Variants in TEX11 observed in about 807,000 individuals in gnomAD.
The protein encoded by TEX11 is testis-expressed protein 11.
A neutral mutation model predicts 84.4 loss-of-function variants in TEX11; 7 were observed. The observed-to-expected ratio is 0.08, with a 90% CI of 0.05 to 0.16. The LOEUF (loss-of-function observed/expected upper bound fraction) is 0.16. Ranked by LOEUF, TEX11 falls within the 10% of genes least tolerant of loss-of-function variation. The pLI is 1.00. For missense variants in TEX11, 551 were observed against 660.5 expected (o/e 0.83, Z 1.82); for synonymous variants, 264 against 222.8 (o/e 1.18, Z -1.64).
At chrX:70,858,324 C>A (rs1003375046) in intron 5 of TEX11, among the ~76,000 whole-genome samples, 3 of 107,850 alleles carry the variant, frequency 2.8e-5, no homozygotes, top group Non-Finnish European at 5.7e-5. Context: ...GGCCTGTAAT[C>A]CCAGCTTCTC....
chrX:70,807,732 T>C (rs929861562), intron 8 of TEX11, among the ~76,000 whole-genome samples: 1 of 111,678 alleles, frequency 9.0e-6, no homozygotes, highest in Non-Finnish European at 1.9e-5. Flanking sequence ...AGTTTCCCTT[T>C]GAATTACAGT....
chrX:70,749,525 G>T (rs1169568239), intron 9 of TEX11, among the ~76,000 whole-genome samples: 2 of 107,027 alleles, frequency 1.9e-5, no homozygotes, highest in Middle Eastern at 4.8e-3. Flanking sequence ...TGCTTCCAGT[G>T]TTTGCCCATT....
At chrX:70,729,917 G>A (rs747435722) in intron 11 of TEX11, among the ~76,000 whole-genome samples, 40 of 112,115 alleles carry the variant, frequency 3.6e-4, no homozygotes, top group Middle Eastern at 9.1e-3. Context: ...CAGAAAGGTC[G>A]GGTTACCCAC....
chrX:70,577,862 G>A (rs2088699664), intron 25 of TEX11, among the ~76,000 whole-genome samples: 1 of 109,581 alleles, frequency 9.1e-6, no homozygotes, highest in Non-Finnish European at 1.9e-5. Context: ...CAAGTAGCTG[G>A]GATTACAGGT....
chrX:70,578,628 T>C (rs1057389638), intron 25 of TEX11, among the ~76,000 whole-genome samples: 3 of 111,232 alleles, frequency 2.7e-5, no homozygotes, highest in Non-Finnish European at 3.8e-5. Context: ...AATATTTTCC[T>C]ATCTCTGGGG....
the TEX11 span, among the ~76,000 whole-genome samples, chrX:70,511,842 C>T: frequency 5.7e-5 from 6 of 104,583 alleles, no homozygotes; most frequent in South Asian, 8.7e-4. Flanking sequence ...TTATAGTGGC[C>T]TCCAAGTTAG....
chrX:70,604,417 A>G (rs1371673873), intron 24 of TEX11, among the ~76,000 whole-genome samples: 1 of 111,015 alleles, frequency 9.0e-6, no homozygotes, highest in Non-Finnish European at 1.9e-5. Context: ...AAGACTCTTA[A>G]AAGAGGGCCC....
At chrX:70,546,690 A>G (rs2088130332) in intron 28 of TEX11, among the ~76,000 whole-genome samples, 1 of 111,168 alleles carries the variant, frequency 9.0e-6, no homozygotes, top group Non-Finnish European at 1.9e-5. Flanking sequence ...GGCTATAACA[A>G]AAAAAAGAAA....
intron 28 of TEX11, among the ~76,000 whole-genome samples, chrX:70,534,470 AT>A (rs2059737269): frequency 8.9e-6 from 1 of 111,804 alleles, no homozygotes; most frequent in Non-Finnish European, 1.9e-5. Flanking sequence ...CATGCCCAGC[AT>A]TGCTTATGAA....
chrX:70,859,487 C>T (rs1283862020), intron 5 of TEX11, among the ~76,000 whole-genome samples: 3 of 98,736 alleles, frequency 3.0e-5, no homozygotes, highest in Non-Finnish European at 4.0e-5. Context: ...GAAGCTGAGG[C>T]AGGAGAACTG....
intron 17 of TEX11, among the ~76,000 whole-genome samples, chrX:70,650,455 C>CA (rs961198388): frequency 1.8e-5 from 2 of 110,782 alleles, no homozygotes; most frequent in African/African-American, 6.5e-5. Flanking sequence ...TTTTTACTGG[C>CA]AAAAAAGCTT....
At chrX:70,608,610 G>T (rs780410442) in intron 22 of TEX11, among the ~76,000 whole-genome samples, 1 of 109,433 alleles carries the variant, frequency 9.1e-6, no homozygotes, top group Non-Finnish European at 1.9e-5. Context: ...GCGTGGTGGC[G>T]GGTGCCTGTA....
At chrX:70,698,771 GAAAAGGAGT>G (rs2090302533) in intron 13 of TEX11, among the ~76,000 whole-genome samples, 1 of 111,238 alleles carries the variant, frequency 9.0e-6, no homozygotes, top group East Asian at 2.8e-4. Context: ...GTAGATATGA[GAAAAGGAGT>G]AAAGAGGAAA....
At chrX:70,678,727 C>G in intron 15 of TEX11, 77 bp downstream of exon 15, 1 of 815,467 alleles carries the variant, frequency 1.2e-6, no homozygotes, top group South Asian at 2.4e-5. Context: ...ATTTGATGCT[C>G]TTTTATTTTT....
the TEX11 span, among the ~76,000 whole-genome samples, chrX:70,511,765 A>AAAAAAAAAAAAAAAAAC: frequency 1.3e-5 from 1 of 76,910 alleles, no homozygotes; most frequent in Non-Finnish European, 2.2e-5. Context: ...AAAAAAAAAA[A>AAAAAAAAAAAAAAAAAC]AAAAAAAAAA....
At chrX:70,590,474 A>T (rs1024797635) in intron 25 of TEX11, among the ~76,000 whole-genome samples, 8 of 111,639 alleles carry the variant, frequency 7.2e-5, no homozygotes, top group African/African-American at 2.3e-4. Flanking sequence ...TAATTTTATA[A>T]AATCTATTAT....
chrX:70,662,972 C>A (rs2089944076), intron 16 of TEX11, among the ~76,000 whole-genome samples: 1 of 110,979 alleles, frequency 9.0e-6, no homozygotes, highest in Non-Finnish European at 1.9e-5. Context: ...TGAACTATAC[C>A]TAAAATGAAT....
chrX:70,822,501 T>TAC (rs887928512), intron 8 of TEX11, among the ~76,000 whole-genome samples: 1 of 110,616 alleles, frequency 9.0e-6, no homozygotes, highest in African/African-American at 3.3e-5. Context: ...TATGTATATA[T>TAC]ACACACACAC....
chrX:70,543,612 G>A lies in TEX11; in HGVS notation c.2520+8514C>T, dbSNP rs762211003. 1.1e-3 allele frequency among the ~76,000 whole-genome samples: 121 copies of A among 112,195 alleles called. 2 individuals are homozygous for A. The highest frequency in any genetic ancestry group is 3.8e-3 in the African/African-American group (118 of 30,962). Reference sequence around the variant, plus strand: ...AATAATCCAAATGTCCAATGTTGAAGTTTTTATTTTTAAACTTAAATTCAC... The same window carrying A: ...AATAATCCAAATGTCCAATGTTGAAATTTTTATTTTTAAACTTAAATTCAC... On this transcript the variant is annotated intron_variant, in intron 28 of 29. Coordinates refer to ENST00000374333, the MANE Select transcript of TEX11 (RefSeq NM_031276.3).
Sources: allele counts gnomAD v4.1 joint callset (sites outside exome capture counted in the v4.1 genomes callset), GRCh38; gene constraint gnomAD v4.1.1; transcripts MANE v1.5; gene names NCBI Gene and HGNC (gene_info 2026-07-23, HGNC 2026-07-21).